The following PRDM5 variants were observed in gnomAD, a reference collection of about 807,000 sequenced individuals.
PRDM5 encodes the protein PR/SET domain 5.
Under a neutral mutation model 81.2 loss-of-function variants are expected in PRDM5, and 56 were observed. The ratio of observed to expected loss-of-function variants is 0.69; its 90% CI spans 0.56 to 0.86. The LOEUF is 0.86. Among genes scored for constraint, PRDM5 ranks in the 40% least tolerant of loss-of-function variants. The pLI is 0.00. For synonymous variants in PRDM5, 267 were observed against 256.4 expected (o/e 1.04, Z -0.39); for missense variants, 697 against 770.1 (o/e 0.91, Z 1.12).
intron 7 of PRDM5, 141 bp from the exon 8 acceptor site, chr4:120,811,590 C>T (rs1753842380): frequency 5.8e-6 from 3 of 516,642 alleles, no homozygotes; most frequent in Non-Finnish European, 1.0e-5. Flanking sequence ...ATTCATTAAA[C>T]TTAAAGAGTA....
At chr4:120,807,052 C>CA (rs1207703250) in intron 8 of PRDM5, among the ~76,000 whole-genome samples, 2 of 152,172 alleles carry the variant, frequency 1.3e-5, no homozygotes, top group African/African-American at 4.8e-5. Context: ...ACATAACAGA[C>CA]ACTTCTCAAA....
chr4:120,694,824 G>A lies in PRDM5; in HGVS notation c.*287C>T. The A allele has an allele frequency of 2.5e-6, 1 of 399,096 alleles. No homozygotes were observed. Among genetic ancestry groups the A allele is most frequent in the Non-Finnish European group, 4.7e-6 (1 of 213,640 alleles). The allele number at this position is 399,096 out of a possible 1,614,324, so 24.7% of individuals were successfully genotyped here. A position where few individuals can be genotyped will look rare whatever the true frequency, so the allele number is the denominator to read the frequency against. ...TTATAAACTTCATTACAGAGGGATG[G>A]CCAAGAAAGAGAGCCATGACTCCTT... On this transcript the variant is annotated 3_prime_UTR_variant, in exon 16 of 16. Coordinates refer to ENST00000264808, the MANE Select transcript of PRDM5 (RefSeq NM_018699.4).
At chr4:120,869,737 CAAGTA>C (rs1342774317) in intron 2 of PRDM5, among the ~76,000 whole-genome samples, 1 of 152,014 alleles carries the variant, frequency 6.6e-6, no homozygotes. Flanking sequence ...ACTAGAAAGA[CAAGTA>C]AATAAAAAGG....
At chr4:120,736,321 A>G (rs1442386310) in intron 14 of PRDM5, among the ~76,000 whole-genome samples, 1 of 152,030 alleles carries the variant, frequency 6.6e-6, no homozygotes, top group African/African-American at 2.4e-5. Context: ...TAGTGCTGCA[A>G]CAAACACGAG....
chr4:120,708,366 T>C (rs1009899859), intron 15 of PRDM5, among the ~76,000 whole-genome samples: 3 of 152,180 alleles, frequency 2.0e-5, no homozygotes, highest in Admixed American at 6.6e-5. Context: ...GAGAACATTA[T>C]GCTTAATGAA....
At chr4:120,878,309 G>GA (rs1762520926) in intron 2 of PRDM5, among the ~76,000 whole-genome samples, 1 of 152,114 alleles carries the variant, frequency 6.6e-6, no homozygotes, top group Admixed American at 6.5e-5. Context: ...AATTCAATGG[G>GA]AAAAGGATAG....
At chr4:120,885,066 G>A (rs1174319337) in intron 2 of PRDM5, among the ~76,000 whole-genome samples, 1 of 147,806 alleles carries the variant, frequency 6.8e-6, no homozygotes, top group African/African-American at 2.5e-5. Flanking sequence ...ACCCGGGAGG[G>A]CGAGCTTGCA....
At chr4:120,873,695 T>C (rs889248812) in intron 2 of PRDM5, among the ~76,000 whole-genome samples, 6 of 152,232 alleles carry the variant, frequency 3.9e-5, no homozygotes, top group Admixed American at 6.5e-5. Context: ...AATATGTCGG[T>C]TATTTCATTC....
chr4:120,771,274 A>C (rs759410660), intron 13 of PRDM5, among the ~76,000 whole-genome samples: 1 of 152,186 alleles, frequency 6.6e-6, no homozygotes, highest in Non-Finnish European at 1.5e-5. Flanking sequence ...ATGCCTAATA[A>C]ATAAGGCAGT....
intron 12 of PRDM5, among the ~76,000 whole-genome samples, chr4:120,779,042 A>T (rs1363942929): frequency 2.6e-5 from 4 of 152,112 alleles, no homozygotes; most frequent in Admixed American, 2.6e-4. Context: ...TTTGTAATTT[A>T]TTTATAAAAT....
At chr4:120,741,862 C>A (rs1368874991) in intron 14 of PRDM5, among the ~76,000 whole-genome samples, 2 of 152,204 alleles carry the variant, frequency 1.3e-5, no homozygotes, top group Non-Finnish European at 2.9e-5. Flanking sequence ...GGGGTGCCCA[C>A]CATTGCCCAG....
intron 2 of PRDM5, among the ~76,000 whole-genome samples, chr4:120,868,817 A>T (rs978528948): frequency 4.6e-5 from 7 of 152,028 alleles, no homozygotes; most frequent in Non-Finnish European, 8.8e-5. Flanking sequence ...CTAATTCTAC[A>T]CTCTCTTTGA....
At chr4:120,718,740 A>G (rs1441322391) in intron 14 of PRDM5, among the ~76,000 whole-genome samples, 1 of 152,264 alleles carries the variant, frequency 6.6e-6, no homozygotes, top group Non-Finnish European at 1.5e-5. Flanking sequence ...AAATTTCTAC[A>G]TAAACTAAAT....
intron 2 of PRDM5, 123 bp downstream of exon 2, chr4:120,907,351 A>G: frequency 2.3e-6 from 2 of 881,484 alleles, no homozygotes; most frequent in South Asian, 1.6e-5. Context: ...AAAAAAAAAA[A>G]CCTAAAACAT....
intron 11 of PRDM5, among the ~76,000 whole-genome samples, chr4:120,783,241 C>T (rs1302908597): frequency 6.6e-6 from 1 of 152,098 alleles, no homozygotes; most frequent in Admixed American, 6.6e-5. Flanking sequence ...TTTTCACTAA[C>T]TGATATCTAA....
chr4:120,710,246 C>A, intron 15 of PRDM5, 63 bp downstream of exon 15: 1 of 1,362,162 alleles, frequency 7.3e-7, no homozygotes, highest in Non-Finnish European at 1.0e-6. Context: ...CACATACACA[C>A]ACACACACAC....
At chr4:120,864,550 CAGATAG>C (rs1275227298) in intron 2 of PRDM5, among the ~76,000 whole-genome samples, 1 of 152,190 alleles carries the variant, frequency 6.6e-6, no homozygotes, top group Non-Finnish European at 1.5e-5. Flanking sequence ...ATCCAGCCAT[CAGATAG>C]GTTGGCTGAG....
chr4:120,821,881 G>A (rs1023097274), intron 3 of PRDM5, among the ~76,000 whole-genome samples: 1 of 151,098 alleles, frequency 6.6e-6, no homozygotes, highest in Non-Finnish European at 1.5e-5. Flanking sequence ...GGTGTTGATG[G>A]AGCCATCATG....
chr4:120,863,607 A>T (rs1291034784), intron 2 of PRDM5, among the ~76,000 whole-genome samples: 5 of 152,192 alleles, frequency 3.3e-5, no homozygotes, highest in South Asian at 2.1e-4. Flanking sequence ...CAAAGCATTT[A>T]AAAAAATGAG....
Sources: allele counts gnomAD v4.1 joint callset (sites outside exome capture counted in the v4.1 genomes callset), GRCh38; gene constraint gnomAD v4.1.1; transcripts MANE v1.5; gene names NCBI Gene and HGNC (gene_info 2026-07-23, HGNC 2026-07-21).